SPINK5: variants seen among roughly 807,000 people sequenced by gnomAD.
The protein encoded by SPINK5 is serine peptidase inhibitor Kazal type 5, also known as serine protease inhibitor Kazal-type 5.
In SPINK5, 125 loss-of-function variants were observed where a neutral mutation model predicts 151.8. That is an observed-to-expected ratio of 0.82 (90% confidence interval 0.71 to 0.96). The LOEUF (loss-of-function observed/expected upper bound fraction) is 0.96. SPINK5 is among the 40% of genes least tolerant of loss of function. The pLI, the probability that SPINK5 is intolerant of heterozygous loss-of-function variation, is 0.00. For missense variants in SPINK5, 1,194 were observed against 1,291.9 expected (o/e 0.92, Z 1.16); for synonymous variants, 374 against 395.3 (o/e 0.95, Z 0.64).
chr5:148,115,799 G>A (rs544212752), intron 21 of SPINK5, among the ~76,000 whole-genome samples: 3 of 151,846 alleles, frequency 2.0e-5, no homozygotes, highest in South Asian at 2.1e-4. Flanking sequence ...CATTTATGAA[G>A]TGTTAGTTAA....
At chr5:148,116,510 C>A (rs1348789439) in intron 22 of SPINK5, 44 bp downstream of exon 22, 1 of 1,571,988 alleles carries the variant, frequency 6.4e-7, no homozygotes, top group Non-Finnish European at 8.8e-7. Flanking sequence ...GGGCTCAACT[C>A]CTTGACAATA....
At chr5:148,075,666 CA>C (rs1186936352) in intron 4 of SPINK5, among the ~76,000 whole-genome samples, 1 of 151,664 alleles carries the variant, frequency 6.6e-6, no homozygotes, top group Admixed American at 6.6e-5. Context: ...ACCATTTTAG[CA>C]ATCTGAAAAT....
intron 12 of SPINK5, among the ~76,000 whole-genome samples, chr5:148,100,047 G>A (rs905830045): frequency 4.6e-5 from 7 of 151,902 alleles, no homozygotes; most frequent in Admixed American, 3.9e-4. Context: ...ACCTGTGTGC[G>A]TATTTCCCAA....
Position 148,131,302 on chromosome 5 carries a change from G to C in SPINK5, c.3008G>C (p.Gly1003Ala). 6.2e-7 allele frequency: 1 copy of C among 1,613,872 alleles called. No homozygotes were observed. The highest frequency in any genetic ancestry group is 1.1e-5 in the South Asian group (1 of 91,066). Residue 1003 changes from glycine to alanine, a missense_variant, in exon 31 of 33, where the codon GGT becomes GCT. Physicochemically the swap from Gly to Ala is moderately conservative, Grantham distance 60. Transcript: ENST00000256084. ...GACTACCGAGTATTGCCCAGGATAG[G>C]TTATCTTTGTCCAAAGGATTTAAAG... ...CKDYRVLPRI[G>A]YLCPKDLKPV... is the part of the protein sequence containing the mutation.
intron 32 of SPINK5, among the ~76,000 whole-genome samples, chr5:148,135,701 A>T (rs1486721275): frequency 6.6e-6 from 1 of 151,908 alleles, no homozygotes; most frequent in South Asian, 2.1e-4. Flanking sequence ...TGTTCTGATG[A>T]CTAGTAAGGA....
At chr5:148,067,727 A>T (rs1196870595) in intron 2 of SPINK5, among the ~76,000 whole-genome samples, 3 of 152,188 alleles carry the variant, frequency 2.0e-5, no homozygotes, top group African/African-American at 2.4e-5. Flanking sequence ...TTCTCATCTA[A>T]CAGTGATATT....
chr5:148,080,449 G>A (rs1421751433), intron 4 of SPINK5, among the ~76,000 whole-genome samples: 1 of 151,346 alleles, frequency 6.6e-6, no homozygotes, highest in South Asian at 2.1e-4. Flanking sequence ...TTTAAATTTT[G>A]TTATAATGCA....
At position 148,132,350 on chromosome 5, in the gene SPINK5, T is replaced by C. The variant is rs545021307; in HGVS notation, c.3095+961T>C. Among the ~76,000 whole-genome samples, 3 of 152,212 alleles carry C rather than the reference T, an allele frequency of 2.0e-5. No individual in the cohort carries two copies. In the East Asian group the frequency reaches 5.8e-4, roughly 29 times the overall value. On this transcript the variant is annotated intron_variant, in intron 31 of 32. Transcript: ENST00000256084. ...ATAAGCAAGGCCCAGAACATGAGGA[T>C]AGGACTCCCTGATATCCTGCTTTTT...
At chr5:148,133,007 TAATTTTCTTCAA>T (rs1430076865) in intron 31 of SPINK5, among the ~76,000 whole-genome samples, 2 of 152,168 alleles carry the variant, frequency 1.3e-5, no homozygotes, top group African/African-American at 4.8e-5. Context: ...ATTATCCATA[TAATTTTCTTCAA>T]CATTTTCATC....
chr5:148,083,846 T>C (rs1753085561), intron 4 of SPINK5, among the ~76,000 whole-genome samples: 2 of 151,758 alleles, frequency 1.3e-5, no homozygotes, highest in Non-Finnish European at 2.9e-5. Flanking sequence ...GAAAAATTGT[T>C]TCTTATTTCC....
intron 16 of SPINK5, among the ~76,000 whole-genome samples, chr5:148,105,510 C>T (rs1561691602): frequency 6.6e-6 from 1 of 152,196 alleles, no homozygotes; most frequent in Non-Finnish European, 1.5e-5. Context: ...TTTTATTCCA[C>T]TCTCCATGCT....
At chr5:148,078,848 T>C (rs1752950338) in intron 4 of SPINK5, among the ~76,000 whole-genome samples, 1 of 150,708 alleles carries the variant, frequency 6.6e-6, no homozygotes, top group Admixed American at 6.6e-5. Flanking sequence ...TTTAATCCTC[T>C]ACCTTGAGAA....
At chr5:148,086,273 T>C (rs754548257) in intron 4 of SPINK5, 132 bp from the exon 5 acceptor site, 2 of 1,074,578 alleles carry the variant, frequency 1.9e-6, no homozygotes, top group East Asian at 2.6e-5. Context: ...ATTAGCTCAA[T>C]GTAGCCTTCA....
intron 4 of SPINK5, among the ~76,000 whole-genome samples, chr5:148,084,595 G>T (rs1753105347): frequency 1.3e-5 from 2 of 151,894 alleles, no homozygotes; most frequent in African/African-American, 4.8e-5. Context: ...AAGGGGGATA[G>T]TAGTGATTGT....
chr5:148,088,707 T>C, intron 6 of SPINK5, 102 bp downstream of exon 6: 2 of 1,182,952 alleles, frequency 1.7e-6, no homozygotes, highest in East Asian at 2.4e-5. Flanking sequence ...TTGGAAGGAA[T>C]TAATTCTTGC....
chr5:148,093,167 A>G (rs535150225), intron 8 of SPINK5, among the ~76,000 whole-genome samples: 1 of 152,072 alleles, frequency 6.6e-6, no homozygotes, highest in Non-Finnish European at 1.5e-5. Context: ...TTATAGTACT[A>G]TATCTCACCA....
chr5:148,109,463 G>C (rs1753864197), intron 18 of SPINK5, among the ~76,000 whole-genome samples: 1 of 150,310 alleles, frequency 6.7e-6, no homozygotes, highest in Non-Finnish European at 1.5e-5. Flanking sequence ...TATTTAATTA[G>C]TTACATATAA....
intron 28 of SPINK5, among the ~76,000 whole-genome samples, chr5:148,125,246 C>T (rs1368216229): frequency 6.6e-6 from 1 of 152,174 alleles, no homozygotes; most frequent in Non-Finnish European, 1.5e-5. Context: ...TTTAGCTTCC[C>T]TTCTGTTTTC....
rs1283163411 is a variant in SPINK5 at position 148,123,511 on chromosome 5, CAATATATGTGTA to C, written c.2539-321_2539-310del. ...TTGTCCAGCCTGGAGTGCAGTGGTG[CAATATATGTGTA>C]TATATATATATATATATATATATAT... On this transcript the variant is annotated intron_variant, in intron 26 of 32. Transcript: ENST00000256084. 0.013 allele frequency among the ~76,000 whole-genome samples: 705 copies of C among 53,414 alleles called. 9 individuals are homozygous for C. Among genetic ancestry groups the C allele is most frequent in the Non-Finnish European group, 0.018 (489 of 27,208 alleles). The allele number at this position is 53,414 out of a possible 152,430, so 35.0% of individuals were successfully genotyped here. A position where few individuals can be genotyped will look rare whatever the true frequency, so the allele number is the denominator to read the frequency against.
Sources: gnomAD v4.1 joint callset for allele counts (sites outside exome capture counted in the v4.1 genomes callset) on GRCh38, gnomAD v4.1.1 for gene constraint, MANE v1.5 for transcripts, NCBI Gene and HGNC (gene_info 2026-07-23, HGNC 2026-07-21) for gene names.